The following SPATC1 variants were observed in gnomAD, a reference collection of about 807,000 sequenced individuals.
SPATC1 encodes speriolin.
A neutral mutation model predicts 36.5 loss-of-function variants in SPATC1; 35 were observed. The observed-to-expected ratio is 0.96, with a 90% confidence interval of 0.73 to 1.27. The LOEUF is 1.27. Ranked by LOEUF, SPATC1 falls within the 50% of genes most tolerant of loss-of-function variation. The pLI is 0.00. For missense variants in SPATC1, 779 were observed against 796.0 expected (o/e 0.98, Z 0.26); for synonymous variants, 361 against 353.6 (o/e 1.02, Z -0.24).
chr8:144,041,467 C>T, intron 4 of SPATC1, 96 bp downstream of exon 4: 1 of 1,474,996 alleles, frequency 6.8e-7, no homozygotes, highest in Non-Finnish European at 9.1e-7. Context: ...TTGCCAGGAC[C>T]TGAGGAGTCC....
chr8:144,039,299 G>A (rs541833615), intron 1 of SPATC1, among the ~76,000 whole-genome samples: 25 of 152,360 alleles, frequency 1.6e-4, no homozygotes, highest in African/African-American at 5.3e-4. Context: ...GCATAAAGCA[G>A]TGTCTGGGAC....
chr8:144,029,477 G>T (rs1384360907), intron 1 of SPATC1, among the ~76,000 whole-genome samples: 1 of 152,174 alleles, frequency 6.6e-6, no homozygotes, highest in African/African-American at 2.4e-5. Context: ...TGAGGCAGGA[G>T]AATCACTTGA....
chr8:144,021,187 A>G (rs1203719190), intron 1 of SPATC1, among the ~76,000 whole-genome samples: 1 of 84,428 alleles, frequency 1.2e-5, no homozygotes, highest in Admixed American at 1.5e-4. Flanking sequence ...TCCCATCAGG[A>G]CCCTCTCCCC....
rs911210722 is a variant in SPATC1, at chr8:144,032,396, G to C, written c.212-7513G>C. ...GGGTTCACACCATTCTCCTGCCTCA[G>C]CCTCCCGAGTTGCTGGGACTAAAGG... On this transcript the variant is annotated intron_variant, in intron 1 of 4. Coordinates refer to ENST00000377470, the MANE Select transcript of SPATC1 (RefSeq NM_198572.3). 1.9e-3 allele frequency among the ~76,000 whole-genome samples: 283 copies of C among 152,224 alleles called. 1 individual carries two copies. Among genetic ancestry groups the C allele is most frequent in the Non-Finnish European group, 3.3e-3 (223 of 68,018 alleles).
At chr8:144,030,933 C>T (rs1416577170) in intron 1 of SPATC1, among the ~76,000 whole-genome samples, 3 of 152,080 alleles carry the variant, frequency 2.0e-5, no homozygotes, top group Non-Finnish European at 2.9e-5. Flanking sequence ...ACTCTGTCCT[C>T]CCCCTTTATG....
intron 1 of SPATC1, among the ~76,000 whole-genome samples, chr8:144,023,034 C>T (rs1343339775): frequency 6.3e-5 from 8 of 126,270 alleles, no homozygotes; most frequent in East Asian, 2.7e-4. Flanking sequence ...TGAGGAACCT[C>T]GTCCCTCAGG....
intron 1 of SPATC1, among the ~76,000 whole-genome samples, chr8:144,037,904 C>T (rs1322773989): frequency 1.3e-5 from 2 of 151,424 alleles, no homozygotes; most frequent in Non-Finnish European, 2.9e-5. Context: ...CCAAGGCGGG[C>T]AGATCATGAG....
At position 144,016,072 on chromosome 8, in the gene SPATC1, AAAAAAAG is replaced by A. The variant is rs1236274918; in HGVS notation, c.211+3357_211+3363del. 4.7e-5 allele frequency among the ~76,000 whole-genome samples: 7 copies of A among 150,376 alleles called. No homozygotes were observed. Among genetic ancestry groups the A allele is most frequent in the African/African-American group, 7.3e-5 (3 of 40,852 alleles). On this transcript the variant is annotated intron_variant, in intron 1 of 4. Transcript: ENST00000377470. The surrounding 1 kb of genome is among the most constrained non-coding windows in gnomAD (Gnocchi z 4.5). ...CTTTTGAGACTCTGTCTCAAAAAAA[AAAAAAAG>A]AAAAAAGAAAGAAAGAAAGAAAAGA...
chr8:144,015,525 T>G (rs1326866998), intron 1 of SPATC1, among the ~76,000 whole-genome samples: 1 of 146,060 alleles, frequency 6.8e-6, no homozygotes, highest in Non-Finnish European at 1.5e-5. Flanking sequence ...GCGGATCACC[T>G]GAGGTCAGGA....
intron 1 of SPATC1, among the ~76,000 whole-genome samples, chr8:144,024,405 C>A (rs1834630618): frequency 6.7e-6 from 1 of 149,286 alleles, no homozygotes; most frequent in East Asian, 2.0e-4. Flanking sequence ...TCCCTCAGGA[C>A]CCCCTTCCTT....
chr8:144,041,185 G>A, intron 3 of SPATC1, 47 bp from the exon 4 acceptor site: 1 of 1,608,086 alleles, frequency 6.2e-7, no homozygotes, highest in Admixed American at 1.7e-5. Flanking sequence ...GCTGAGCCCA[G>A]CTCCTCTCAC....
intron 1 of SPATC1, among the ~76,000 whole-genome samples, chr8:144,026,509 G>A: frequency 6.6e-6 from 1 of 152,236 alleles, no homozygotes; most frequent in East Asian, 1.9e-4. Context: ...ATGTTCAACT[G>A]TTTAAGGAAC....
intron 1 of SPATC1, among the ~76,000 whole-genome samples, chr8:144,018,390 G>C (rs1834433031): frequency 6.6e-6 from 1 of 152,148 alleles, no homozygotes; most frequent in African/African-American, 2.4e-5. Context: ...TTTGGCCTTG[G>C]GGTGAGGGGA....
At chr8:144,022,620 C>G (rs1834559470) in intron 1 of SPATC1, among the ~76,000 whole-genome samples, 1 of 147,114 alleles carries the variant, frequency 6.8e-6, no homozygotes, top group African/African-American at 2.5e-5. Flanking sequence ...AGCCTTTCCC[C>G]TCAAGACCCT....
At chr8:144,037,945 C>A (rs191765417) in intron 1 of SPATC1, among the ~76,000 whole-genome samples, 2 of 148,942 alleles carry the variant, frequency 1.3e-5, no homozygotes, top group African/African-American at 2.5e-5. Flanking sequence ...CTGGCTAACA[C>A]GGTGAAACCC....
At chr8:144,033,734 G>A in intron 1 of SPATC1, among the ~76,000 whole-genome samples, 1 of 152,172 alleles carries the variant, frequency 6.6e-6, no homozygotes, top group East Asian at 1.9e-4. Context: ...GGCATGCACT[G>A]GCCTCAGTGA....
intron 1 of SPATC1, among the ~76,000 whole-genome samples, chr8:144,037,347 A>G (rs1834928578): frequency 6.6e-6 from 1 of 151,750 alleles, no homozygotes. Context: ...ACGGGCCATG[A>G]TGACAATGGC....
intron 1 of SPATC1, among the ~76,000 whole-genome samples, chr8:144,023,945 C>T (rs1302056153): frequency 2.1e-5 from 3 of 143,648 alleles, no homozygotes; most frequent in African/African-American, 7.8e-5. Context: ...CTTCCCCCCT[C>T]AGGACCCTCT....
At chr8:144,034,261 G>A (rs1180424963) in intron 1 of SPATC1, among the ~76,000 whole-genome samples, 85 of 152,346 alleles carry the variant, frequency 5.6e-4, no homozygotes, top group Non-Finnish European at 1.6e-4. Context: ...CCATAGCACA[G>A]GCTGGGAAGG....
Sources: allele counts gnomAD v4.1 joint callset (sites outside exome capture counted in the v4.1 genomes callset), GRCh38; gene constraint gnomAD v4.1.1; non-coding constraint Gnocchi (gnomAD v3.1); transcripts MANE v1.5; gene names NCBI Gene and HGNC (gene_info 2026-07-23, HGNC 2026-07-21).